Variants in CUX1 observed in about 807,000 individuals in gnomAD.
CUX1 encodes protein CASP.
Under a neutral mutation model 158.8 loss-of-function variants are expected in CUX1, and 31 were observed. The ratio of observed to expected loss-of-function variants is 0.20; its 90% CI spans 0.15 to 0.26. The LOEUF is 0.26. Among genes scored for constraint, CUX1 ranks in the 10% least tolerant of loss-of-function variants. The pLI is 1.00. For synonymous variants in CUX1, 879 were observed against 862.1 expected, an observed-to-expected ratio of 1.02 and a Z score of -0.34; for missense variants, 1,589 against 2,014.6, an observed-to-expected ratio of 0.79 and a Z score of 4.04.
intron 4 of CUX1, among the ~76,000 whole-genome samples, chr7:102,096,922 G>A (rs1161970411): frequency 6.6e-6 from 1 of 152,210 alleles, no homozygotes; most frequent in Non-Finnish European, 1.5e-5. Flanking sequence ...CAGGCATCAG[G>A]TGTCACTTCC....
chr7:102,064,490 C>T (rs992761552), intron 3 of CUX1, among the ~76,000 whole-genome samples: 1 of 151,864 alleles, frequency 6.6e-6, no homozygotes, highest in Non-Finnish European at 1.5e-5. Context: ...TTCACAGATC[C>T]CTCCCCTTCT....
intron 15 of CUX1, chr7:102,274,024 G>T (rs549756234): frequency 9.4e-6 from 5 of 532,634 alleles, no homozygotes; most frequent in South Asian, 9.4e-5. Flanking sequence ...CACTGCTGCT[G>T]AACTCTGGCC....
intron 3 of CUX1, among the ~76,000 whole-genome samples, chr7:102,033,276 T>G (rs553624155): frequency 6.6e-6 from 1 of 151,820 alleles, no homozygotes; most frequent in East Asian, 1.9e-4. Context: ...CTAGCAAGAC[T>G]CCATCTCAAT....
rs1220193868 is a variant in CUX1 at position 102,254,076 on chromosome 7, C to T, written c.*5034C>T. 1.0e-5 allele frequency: 10 copies of T among 985,370 alleles called. No individual in the cohort carries two copies. The African/African-American group carries it at 1.6e-4, about 15-fold the overall frequency. 61.0% of individuals were successfully genotyped at this position (985,370 alleles called of 1,614,324 possible). A position where few individuals can be genotyped will look rare whatever the true frequency, so the allele number is the denominator to read the frequency against. ...TGCCTGGTGGGCCGGCTTTGTGTGTCTCTCCTTTTGTGAGCGCAACACGGA... is the reference window on the plus strand; with the variant it reads ...TGCCTGGTGGGCCGGCTTTGTGTGTTTCTCCTTTTGTGAGCGCAACACGGA... On this transcript the variant is annotated 3_prime_UTR_variant, in exon 24 of 24. Transcript: ENST00000292535.
chr7:102,092,982 C>T (rs1485657957), intron 4 of CUX1, among the ~76,000 whole-genome samples: 9 of 151,066 alleles, frequency 6.0e-5, no homozygotes, highest in South Asian at 2.1e-4. Context: ...TCTCCAGGAG[C>T]GCTCTTCCAC....
At chr7:101,941,661 C>T (rs958204584) in intron 2 of CUX1, among the ~76,000 whole-genome samples, 19 of 152,206 alleles carry the variant, frequency 1.2e-4, no homozygotes, top group African/African-American at 2.4e-4. Flanking sequence ...TGGTAGTTTT[C>T]ACGTCGGGGC....
intron 1 of CUX1, among the ~76,000 whole-genome samples, chr7:101,854,969 A>G (rs2860421): frequency 0.47 from 71,121 of 152,088 alleles, 17,234 homozygotes; most frequent in Middle Eastern, 0.58. Context: ...TCCTGACCTC[A>G]AGTGATCCTC....
chr7:101,984,787 C>T (rs1281015228), intron 2 of CUX1, among the ~76,000 whole-genome samples: 2 of 152,102 alleles, frequency 1.3e-5, no homozygotes, highest in East Asian at 1.9e-4. Context: ...AAAAATAAAC[C>T]GCGCAAGAAG....
chr7:102,217,475 A>C (rs1554525279), intron 20 of CUX1, among the ~76,000 whole-genome samples: 1 of 152,264 alleles, frequency 6.6e-6, no homozygotes, highest in East Asian at 1.9e-4. Context: ...AGGCCAACAC[A>C]GAATTTCTAA....
rs887901759 is a variant in CUX1 at position 101,823,465 on chromosome 7, T to A, written c.30+5796T>A. 5.9e-5 allele frequency among the ~76,000 whole-genome samples: 9 copies of A among 152,016 alleles called. No homozygotes were observed. In the East Asian group the frequency reaches 1.5e-3, roughly 26 times the overall value. ...TTATAAAGCACACGACCCCCCAGAG[T>A]GGACCGGGCCCTGGCCGACTCCATC... On this transcript the variant is annotated intron_variant, in intron 1 of 23. Coordinates refer to ENST00000292535, the MANE Select transcript of CUX1 (RefSeq NM_181552.4).
chr7:101,875,751 T>C (rs942303974), intron 1 of CUX1, among the ~76,000 whole-genome samples: 1 of 152,154 alleles, frequency 6.6e-6, no homozygotes, highest in Non-Finnish European at 1.5e-5. Context: ...TTTCTACCTT[T>C]AGAGATTTCT....
intron 20 of CUX1, among the ~76,000 whole-genome samples, chr7:102,211,530 C>T (rs1372786923): frequency 1.3e-5 from 2 of 151,910 alleles, no homozygotes; most frequent in African/African-American, 4.8e-5. Flanking sequence ...CCTGTAATCC[C>T]AGCACTTTGA....
At chr7:102,016,452 A>G (rs922663996) in intron 2 of CUX1, among the ~76,000 whole-genome samples, 1 of 152,198 alleles carries the variant, frequency 6.6e-6, no homozygotes, top group Non-Finnish European at 1.5e-5. Context: ...GCCACTCAAC[A>G]AACATCTGTC....
At chr7:102,086,969 T>G (rs1828012500) in intron 4 of CUX1, among the ~76,000 whole-genome samples, 1 of 152,210 alleles carries the variant, frequency 6.6e-6, no homozygotes, top group African/African-American at 2.4e-5. Context: ...TGGCTTTCTT[T>G]TGATGAGAGT....
chr7:101,846,835 T>G (rs1020156819), intron 1 of CUX1, among the ~76,000 whole-genome samples: 24 of 152,090 alleles, frequency 1.6e-4, no homozygotes, highest in African/African-American at 5.8e-4. Flanking sequence ...GTATGGATGC[T>G]GACTTCCTGA....
intron 1 of CUX1, among the ~76,000 whole-genome samples, chr7:101,894,810 G>T (rs1373047009): frequency 1.3e-5 from 2 of 152,058 alleles, no homozygotes; most frequent in East Asian, 3.9e-4. Flanking sequence ...GCATTTTGGG[G>T]GTTCCTGAAA....
chr7:101,942,057 A>T (rs1033311021), intron 2 of CUX1, among the ~76,000 whole-genome samples: 3 of 152,150 alleles, frequency 2.0e-5, no homozygotes, highest in Non-Finnish European at 4.4e-5. Context: ...GTAGAAATGT[A>T]CCCAGCTTCT....
chr7:102,157,321 T>C (rs1585959111), intron 8 of CUX1, among the ~76,000 whole-genome samples: 1 of 149,040 alleles, frequency 6.7e-6, no homozygotes, highest in African/African-American at 2.5e-5. Flanking sequence ...GGCCCTTGGG[T>C]ATGCTAAAAA....
chr7:102,279,328 G>A (rs560460409), intron 18 of CUX1, among the ~76,000 whole-genome samples: 289 of 152,272 alleles, frequency 1.9e-3, no homozygotes, highest in African/African-American at 6.3e-3. Flanking sequence ...GCGACAGAGC[G>A]AAACTCTGTC....
Sources: gnomAD v4.1 joint callset for allele counts (sites outside exome capture counted in the v4.1 genomes callset) on GRCh38, gnomAD v4.1.1 for gene constraint, MANE v1.5 for transcripts, NCBI Gene and HGNC (gene_info 2026-07-23, HGNC 2026-07-21) for gene names.